The following DIPK1A variants were observed in gnomAD, a reference collection of about 807,000 sequenced individuals.
The protein encoded by DIPK1A is family with sequence similarity 69 member A.
DIPK1A carries 27 observed loss-of-function variants against 40.8 expected under a neutral mutation model. That is an observed-to-expected ratio of 0.66 (90% CI 0.49 to 0.91). DIPK1A has a LOEUF of 0.91. Ranked by LOEUF, DIPK1A falls within the 40% of genes least tolerant of loss-of-function variation. The pLI is 0.00. For missense variants in DIPK1A, 412 were observed against 505.7 expected (o/e 0.81, Z 1.78); for synonymous variants, 166 against 171.3 (o/e 0.97, Z 0.24).
intron 2 of DIPK1A, among the ~76,000 whole-genome samples, chr1:92,867,795 C>T (rs1024074035): frequency 6.6e-6 from 1 of 152,142 alleles, no homozygotes; most frequent in African/African-American, 2.4e-5. Context: ...TGTGAGCCAC[C>T]GTGCCCGGCC....
At chr1:92,933,161 AAC>A (rs1451466656) in intron 1 of DIPK1A, 2 of 152,208 alleles carry the variant, frequency 1.3e-5, no homozygotes, top group African/African-American at 4.8e-5. Context: ...GGAACAGAAA[AAC>A]AAACAAAAAC....
intron 2 of DIPK1A, among the ~76,000 whole-genome samples, chr1:92,873,048 A>C (rs1647948559): frequency 6.6e-6 from 1 of 152,120 alleles, no homozygotes; most frequent in South Asian, 2.1e-4. Flanking sequence ...TGCTTCTCAG[A>C]TCCCTGCCCA....
chr1:92,854,514 G>A (rs569944587), intron 2 of DIPK1A, among the ~76,000 whole-genome samples: 1 of 152,256 alleles, frequency 6.6e-6, no homozygotes, highest in South Asian at 2.1e-4. Context: ...TGGAGGATAT[G>A]GGCAGTCCTG....
chr1:92,833,401 G>C (rs749504844), intron 4 of DIPK1A: 1 of 1,613,218 alleles, frequency 6.2e-7, no homozygotes, highest in Admixed American at 1.7e-5. Flanking sequence ...GTTTGTTAAA[G>C]TTGTTAAGAA....
chr1:92,917,234 T>C (rs1232087410), intron 1 of DIPK1A, among the ~76,000 whole-genome samples: 1 of 152,238 alleles, frequency 6.6e-6, no homozygotes, highest in Non-Finnish European at 1.5e-5. Context: ...AGGCTATATA[T>C]AGATTTTTTA....
chr1:92,959,448 CTTTTTTTTT>C (rs1012376544), intron 1 of DIPK1A, among the ~76,000 whole-genome samples: 11 of 115,462 alleles, frequency 9.5e-5, no homozygotes, highest in Non-Finnish European at 1.8e-4. Flanking sequence ...CAGTAAAACA[CTTTTTTTTT>C]TTTTTTTTTT....
intron 1 of DIPK1A, among the ~76,000 whole-genome samples, chr1:92,902,565 G>A (rs1332756511): frequency 6.6e-6 from 1 of 152,208 alleles, no homozygotes; most frequent in Non-Finnish European, 1.5e-5. Flanking sequence ...TGGACTCTAG[G>A]TGGCTCCCTC....
At chr1:92,887,319 G>A (rs929982715) in intron 1 of DIPK1A, among the ~76,000 whole-genome samples, 1 of 151,370 alleles carries the variant, frequency 6.6e-6, no homozygotes, top group East Asian at 1.9e-4. Flanking sequence ...CTAGCTACCT[G>A]GGAGGCTGAG....
chr1:92,901,451 C>T (rs1354720756), intron 1 of DIPK1A, among the ~76,000 whole-genome samples: 2 of 152,026 alleles, frequency 1.3e-5, no homozygotes, highest in African/African-American at 4.8e-5. Flanking sequence ...TTGTGAAGTA[C>T]TCCCTAGCAG....
chr1:92,910,765 A>G (rs1484179940), intron 1 of DIPK1A, among the ~76,000 whole-genome samples: 1 of 152,196 alleles, frequency 6.6e-6, no homozygotes, highest in Non-Finnish European at 1.5e-5. Flanking sequence ...AGTTTTCCCC[A>G]TATTGACATT....
chr1:92,892,560 G>A (rs1403209949), intron 1 of DIPK1A, among the ~76,000 whole-genome samples: 1 of 152,208 alleles, frequency 6.6e-6, no homozygotes, highest in East Asian at 1.9e-4. Context: ...AAAAAACAGA[G>A]CAGAAAAACT....
Position 92,943,018 on chromosome 1 carries a change from G to A in DIPK1A, c.54+18358C>T, listed in dbSNP as rs561511456. ...CACTGCAGTCATGAAGATAAATAGGGTAGGTAAATATTAGAAAACAGATGC... is the reference window on the plus strand; with the variant it reads ...CACTGCAGTCATGAAGATAAATAGGATAGGTAAATATTAGAAAACAGATGC... On this transcript the variant is annotated intron_variant, in intron 1 of 4. Transcript: ENST00000370310. Among the ~76,000 whole-genome samples the A allele has an allele frequency of 3.9e-5, 6 of 152,314 alleles. No individual in the cohort carries two copies. In the East Asian group the frequency reaches 1.2e-3, roughly 29 times the overall value.
At chr1:92,901,378 G>C (rs1649404857) in intron 1 of DIPK1A, among the ~76,000 whole-genome samples, 2 of 152,060 alleles carry the variant, frequency 1.3e-5, no homozygotes, top group South Asian at 2.1e-4. Context: ...CTGGGTCTTG[G>C]GGCACAGGTT....
intron 4 of DIPK1A, chr1:92,836,112 C>G (rs781454186): frequency 4.5e-6 from 6 of 1,347,134 alleles, no homozygotes; most frequent in Non-Finnish European, 4.3e-6. Context: ...GTGGTCCTTA[C>G]GGTTATGACA....
chr1:92,961,445 C>T lies in DIPK1A; in HGVS notation c.-16G>A. 4.0e-6 allele frequency: 6 copies of T among 1,486,012 alleles called. No individual in the cohort carries two copies. The highest frequency in any genetic ancestry group is 4.5e-6 in the Non-Finnish European group (5 of 1,111,914). The allele number at this position is 1,486,012 out of a possible 1,614,324, so 92.1% of individuals were successfully genotyped here. A position where few individuals can be genotyped will look rare whatever the true frequency, so the allele number is the denominator to read the frequency against. ...TCCTCGCCATGGTAATCACACATCG[C>T]CCCGCCGCGCTGCAGTCAGAGGCGG... On this transcript the variant is annotated 5_prime_UTR_variant, in exon 1 of 5. Coordinates refer to ENST00000370310, the MANE Select transcript of DIPK1A (RefSeq NM_001006605.5).
intron 1 of DIPK1A, among the ~76,000 whole-genome samples, chr1:92,896,174 C>CA (rs1378569496): frequency 6.6e-6 from 1 of 151,978 alleles, no homozygotes; most frequent in Non-Finnish European, 1.5e-5. Flanking sequence ...CATATGGAAC[C>CA]AAAAAAGAGC....
chr1:92,925,727 C>G (rs1650477652), intron 1 of DIPK1A, among the ~76,000 whole-genome samples: 1 of 152,068 alleles, frequency 6.6e-6, no homozygotes, highest in Admixed American at 6.6e-5. Context: ...AACTTCGGAC[C>G]TTGTGATCCA....
chr1:92,899,599 C>T (rs1011375088), intron 1 of DIPK1A, among the ~76,000 whole-genome samples: 3 of 152,022 alleles, frequency 2.0e-5, no homozygotes, highest in South Asian at 2.1e-4. Context: ...TAATTGTTTT[C>T]TGCTTGTTTT....
At chr1:92,883,697 C>T (rs561557363) in intron 1 of DIPK1A, among the ~76,000 whole-genome samples, 1 of 152,302 alleles carries the variant, frequency 6.6e-6, no homozygotes, top group African/African-American at 2.4e-5. Context: ...TGATGGCTGA[C>T]TTTGCTCAGA....
Sources: allele counts gnomAD v4.1 joint callset (sites outside exome capture counted in the v4.1 genomes callset), GRCh38; gene constraint gnomAD v4.1.1; transcripts MANE v1.5; gene names NCBI Gene and HGNC (gene_info 2026-07-23, HGNC 2026-07-21).